The following NCAM1 variants were observed in gnomAD, a reference collection of about 807,000 sequenced individuals.
NCAM1 encodes the protein neural cell adhesion molecule 1, also known as antigen recognized by monoclonal antibody 5.1H11.
A neutral mutation model predicts 109.8 loss-of-function variants in NCAM1; 14 were observed. The observed-to-expected ratio is 0.13, with a 90% confidence interval of 0.08 to 0.20. The LOEUF (loss-of-function observed/expected upper bound fraction) is 0.20. Among genes scored for constraint, NCAM1 ranks in the 10% least tolerant of loss-of-function variants. The probability of loss-of-function intolerance (pLI) is 1.00; values close to 1 mark genes in which losing one functional copy is unlikely to be tolerated. For synonymous variants in NCAM1, 418 were observed against 442.9 expected (o/e 0.94, Z 0.70); for missense variants, 774 against 1,109.9 (o/e 0.70, Z 4.30).
At chr11:113,206,973 G>A (rs555242368) in intron 5 of NCAM1, among the ~76,000 whole-genome samples, 1 of 152,308 alleles carries the variant, frequency 6.6e-6, no homozygotes, top group East Asian at 1.9e-4. Context: ...AATACATAAT[G>A]AAGAATAGTG....
chr11:113,044,035 G>T (rs1555080412), intron 1 of NCAM1, among the ~76,000 whole-genome samples: 1 of 149,410 alleles, frequency 6.7e-6, no homozygotes, highest in Non-Finnish European at 1.5e-5. Flanking sequence ...GGTAATATTT[G>T]ATCAATGTCA....
intron 1 of NCAM1, among the ~76,000 whole-genome samples, chr11:112,976,480 G>C (rs1277515976): frequency 6.6e-6 from 1 of 151,928 alleles, no homozygotes; most frequent in African/African-American, 2.4e-5. Flanking sequence ...TAAACCTACA[G>C]ATTGATTTGG....
At chr11:113,160,514 C>T (rs1303155283) in intron 1 of NCAM1, among the ~76,000 whole-genome samples, 1 of 152,134 alleles carries the variant, frequency 6.6e-6, no homozygotes, top group East Asian at 1.9e-4. Flanking sequence ...AAGAATCAGA[C>T]ACAACCCATG....
chr11:112,969,159 G>A (rs1253550423), intron 1 of NCAM1, among the ~76,000 whole-genome samples: 2 of 152,108 alleles, frequency 1.3e-5, no homozygotes, highest in African/African-American at 4.8e-5. Flanking sequence ...GGGTGATCTG[G>A]GCAGAGCAGA....
chr11:113,061,742 G>C (rs1245095), intron 1 of NCAM1, among the ~76,000 whole-genome samples: 126,622 of 152,220 alleles, frequency 0.83, 53,000 homozygotes, highest in African/African-American at 0.92. Context: ...CGTGCAGCTT[G>C]TCCTGAGCTT....
At chr11:113,142,244 C>T (rs1430123872) in intron 1 of NCAM1, among the ~76,000 whole-genome samples, 4 of 152,008 alleles carry the variant, frequency 2.6e-5, no homozygotes, top group South Asian at 2.1e-4. Context: ...AACTGAGACA[C>T]GGAAGGGTAA....
intron 1 of NCAM1, among the ~76,000 whole-genome samples, chr11:113,086,755 A>T (rs1472947947): frequency 6.6e-6 from 1 of 152,194 alleles, no homozygotes; most frequent in African/African-American, 2.4e-5. Flanking sequence ...AGAGGATTGG[A>T]TTAGGAAACT....
intron 1 of NCAM1, among the ~76,000 whole-genome samples, chr11:113,056,486 C>T (rs191934446): frequency 1.3e-5 from 2 of 152,280 alleles, no homozygotes; most frequent in East Asian, 1.9e-4. Context: ...TCAGCCATCA[C>T]ATGTACCCCT....
chr11:113,138,221 G>A (rs574303911), intron 1 of NCAM1, among the ~76,000 whole-genome samples: 39 of 152,302 alleles, frequency 2.6e-4, no homozygotes, highest in Non-Finnish European at 4.6e-4. Context: ...ATTTCTCGAC[G>A]TGCTGGCAGG....
At position 113,089,220 on chromosome 11, in the gene NCAM1, G is replaced by A. The variant is rs1263874538; in HGVS notation, c.53-113159G>A. On this transcript the variant is annotated intron_variant, in intron 1 of 19. Transcript: ENST00000316851. ...CCCAGCTACTCGGGAGGCTGAGGCA[G>A]GAGAATTGCTTGAACCCAGGAGACG... is the stretch of plus-strand genomic sequence containing the variant. 2.0e-5 allele frequency among the ~76,000 whole-genome samples: 3 copies of A among 152,126 alleles called. No individual in the cohort carries two copies. In the East Asian group the frequency reaches 5.8e-4, roughly 29 times the overall value.
chr11:113,206,217 T>G lies in NCAM1; in HGVS notation c.628+37T>G. 5 of 1,559,836 alleles carry G rather than the reference T, an allele frequency of 3.2e-6. 1 individual carries two copies. In the South Asian group the frequency reaches 6.2e-5, roughly 19 times the overall value. ...CCGTTCTTCCTGATCTCTGCATTGC[T>G]ACAACCTTGGTTCTCCAAAATCATT... On this transcript the variant is annotated intron_variant, in intron 5 of 19. Transcript: ENST00000316851.
rs183954799 is a variant in NCAM1, at chr11:113,238,357, G to T, written c.1825+3193G>T. 3.3e-4 allele frequency among the ~76,000 whole-genome samples: 51 copies of T among 152,310 alleles called. No individual in the cohort carries two copies. In the East Asian group the frequency reaches 9.6e-3, roughly 29 times the overall value. On this transcript the variant is annotated intron_variant, in intron 14 of 19. Coordinates refer to ENST00000316851, the MANE Select transcript of NCAM1 (RefSeq NM_181351.5). ...ACGCCTTTTGCAAGAATTTTAGCAG[G>T]ATGAGGCGGTGAACATATGGGAACA...
chr11:113,014,175 A>G (rs189300494), intron 1 of NCAM1, among the ~76,000 whole-genome samples: 3 of 152,342 alleles, frequency 2.0e-5, no homozygotes, highest in East Asian at 3.9e-4. Context: ...TTTGGGTTTT[A>G]GCTGAGAATA....
At chr11:113,016,046 G>A (rs1027798993) in intron 1 of NCAM1, among the ~76,000 whole-genome samples, 6 of 152,158 alleles carry the variant, frequency 3.9e-5, no homozygotes, top group Non-Finnish European at 8.8e-5. Flanking sequence ...TGACTAAGTT[G>A]ATTGGAATAC....
chr11:113,191,281 A>G (rs1489239971), intron 1 of NCAM1, among the ~76,000 whole-genome samples: 2 of 152,198 alleles, frequency 1.3e-5, no homozygotes, highest in East Asian at 3.8e-4. Flanking sequence ...AGTCTACGGC[A>G]GGGAGAAGAG....
chr11:113,193,862 G>A (rs1174110087), intron 1 of NCAM1, among the ~76,000 whole-genome samples: 1 of 152,186 alleles, frequency 6.6e-6, no homozygotes, highest in Non-Finnish European at 1.5e-5. Flanking sequence ...ACAGGATGCT[G>A]TGACATGAAA....
intron 1 of NCAM1, among the ~76,000 whole-genome samples, chr11:113,137,440 T>C (rs1941641463): frequency 6.6e-6 from 1 of 152,244 alleles, no homozygotes; most frequent in Non-Finnish European, 1.5e-5. Flanking sequence ...AATCACATTA[T>C]GTACAAACGT....
chr11:113,028,741 A>T lies in NCAM1; in HGVS notation c.52+67077A>T, dbSNP rs77026436. Among the ~76,000 whole-genome samples, 458 of 152,280 alleles carry T rather than the reference A, an allele frequency of 3.0e-3. 1 individual carries two copies. Among genetic ancestry groups the T allele is most frequent in the African/African-American group, 0.01 (434 of 41,558 alleles). Reference sequence around the variant, plus strand: ...CTAAGTTATCTGGGTAATTACATCAACTGGTCATTTGGTTTTTACTTTATA... The same window carrying T: ...CTAAGTTATCTGGGTAATTACATCATCTGGTCATTTGGTTTTTACTTTATA... On this transcript the variant is annotated intron_variant, in intron 1 of 19. Coordinates refer to ENST00000316851, the MANE Select transcript of NCAM1 (RefSeq NM_181351.5).
At chr11:113,113,991 G>T (rs1940566860) in intron 1 of NCAM1, among the ~76,000 whole-genome samples, 1 of 152,190 alleles carries the variant, frequency 6.6e-6, no homozygotes, top group African/African-American at 2.4e-5. Context: ...CTAACAATCT[G>T]CTTTTAAACT....
Sources: gnomAD v4.1 joint callset for allele counts (sites outside exome capture counted in the v4.1 genomes callset) on GRCh38, gnomAD v4.1.1 for gene constraint, MANE v1.5 for transcripts, NCBI Gene and HGNC (gene_info 2026-07-23, HGNC 2026-07-21) for gene names.